Variants in SGCD observed in about 807,000 individuals in gnomAD.
SGCD encodes sarcoglycan delta.
In SGCD, 18 loss-of-function variants were observed where a neutral mutation model predicts 36.6. That is an observed-to-expected ratio of 0.49 (90% CI 0.34 to 0.73). The LOEUF is 0.73. SGCD is among the 30% of genes least tolerant of loss of function. The pLI, the probability that SGCD is intolerant of heterozygous loss-of-function variation, is 0.01. For synonymous variants in SGCD, 133 were observed against 130.6 expected (o/e 1.02, Z -0.12); for missense variants, 387 against 346.7 (o/e 1.12, Z -0.92).
intron 3 of SGCD, among the ~76,000 whole-genome samples, chr5:156,384,787 A>T (rs1771187112): frequency 6.6e-6 from 1 of 152,168 alleles, no homozygotes; most frequent in South Asian, 2.1e-4. Context: ...CACTATGAAG[A>T]CAAATTGTGC....
chr5:156,430,667 T>A (rs1000551882), intron 3 of SGCD, among the ~76,000 whole-genome samples: 5 of 152,216 alleles, frequency 3.3e-5, no homozygotes, highest in East Asian at 1.9e-4. Flanking sequence ...TGTTTTTTTT[T>A]ATTTCATTTT....
At chr5:156,130,207 G>A (rs983001130) in intron 3 of SGCD, among the ~76,000 whole-genome samples, 1 of 152,082 alleles carries the variant, frequency 6.6e-6, no homozygotes, top group Non-Finnish European at 1.5e-5. Flanking sequence ...ATGGTATCTT[G>A]TAATGGTTTT....
At chr5:156,368,432 C>T (rs1236863118) in intron 3 of SGCD, among the ~76,000 whole-genome samples, 4 of 152,198 alleles carry the variant, frequency 2.6e-5, no homozygotes, top group Non-Finnish European at 1.5e-5. Context: ...TTATTATTTT[C>T]TATCTTATGA....
chr5:156,060,385 G>A (rs990813933), intron 1 of SGCD, among the ~76,000 whole-genome samples: 1 of 146,288 alleles, frequency 6.8e-6, no homozygotes, highest in Non-Finnish European at 1.5e-5. Context: ...TTTTCTGGAT[G>A]ATCAGGTTAT....
chr5:155,745,507 A>G, the SGCD span, among the ~76,000 whole-genome samples: 2 of 151,974 alleles, frequency 1.3e-5, no homozygotes, highest in African/African-American at 4.8e-5. Flanking sequence ...TGTTAATTTT[A>G]TTACATACTT....
chr5:156,377,402 T>G (rs1770726338), intron 3 of SGCD, among the ~76,000 whole-genome samples: 1 of 152,230 alleles, frequency 6.6e-6, no homozygotes, highest in Non-Finnish European at 1.5e-5. Context: ...CTATTCAGTA[T>G]TCTCACAACA....
intron 7 of SGCD, among the ~76,000 whole-genome samples, chr5:156,744,165 C>T (rs1756830719): frequency 6.6e-6 from 1 of 152,210 alleles, no homozygotes; most frequent in South Asian, 2.1e-4. Flanking sequence ...AAATCCACCC[C>T]TCATTGTTAT....
At chr5:156,025,860 C>T (rs76763313) in intron 1 of SGCD, among the ~76,000 whole-genome samples, 1,908 of 152,304 alleles carry the variant, frequency 0.013, 42 homozygotes, top group African/African-American at 0.043. Flanking sequence ...GAATTGCCAT[C>T]TGGTGGTAGT....
At chr5:156,652,551 A>G (rs946959269) in intron 7 of SGCD, among the ~76,000 whole-genome samples, 1 of 152,046 alleles carries the variant, frequency 6.6e-6, no homozygotes, top group African/African-American at 2.4e-5. Context: ...ACCAAGAGAG[A>G]TAATTTGACT....
intron 6 of SGCD, among the ~76,000 whole-genome samples, chr5:156,596,050 T>A (rs947166083): frequency 6.6e-6 from 1 of 152,156 alleles, no homozygotes; most frequent in Non-Finnish European, 1.5e-5. Flanking sequence ...TGAGCCAGTT[T>A]CCTTTTCTGC....
At chr5:155,757,842 T>A in the SGCD span, among the ~76,000 whole-genome samples, 1 of 152,176 alleles carries the variant, frequency 6.6e-6, no homozygotes, top group Non-Finnish European at 1.5e-5. Context: ...TGGAAGGTAA[T>A]TGAATCATGG....
At chr5:155,976,866 G>C (rs1340813228) in intron 1 of SGCD, among the ~76,000 whole-genome samples, 1 of 152,070 alleles carries the variant, frequency 6.6e-6, no homozygotes, top group African/African-American at 2.4e-5. Context: ...TGCAACCACT[G>C]TGTTACCATC....
At chr5:156,035,105 A>C (rs1326876591) in intron 1 of SGCD, among the ~76,000 whole-genome samples, 2 of 152,210 alleles carry the variant, frequency 1.3e-5, no homozygotes, top group African/African-American at 4.8e-5. Context: ...TTCAGGAATC[A>C]AGGCTCTTCA....
chr5:156,292,788 AC>A (rs1215515336), intron 3 of SGCD, among the ~76,000 whole-genome samples: 1 of 152,054 alleles, frequency 6.6e-6, no homozygotes, highest in Non-Finnish European at 1.5e-5. Context: ...CTGATAGTAG[AC>A]ATCCTAATGG....
the SGCD span, among the ~76,000 whole-genome samples, chr5:155,756,897 A>G: frequency 6.6e-6 from 1 of 152,220 alleles, no homozygotes; most frequent in Non-Finnish European, 1.5e-5. Flanking sequence ...TGAGTATGGC[A>G]TCAAACTACC....
intron 3 of SGCD, among the ~76,000 whole-genome samples, chr5:156,282,816 A>G (rs952957847): frequency 5.9e-5 from 9 of 152,306 alleles, no homozygotes; most frequent in Non-Finnish European, 7.4e-5. Flanking sequence ...AAAGATTGAC[A>G]TTATCTGTCT....
intron 7 of SGCD, among the ~76,000 whole-genome samples, chr5:156,721,384 A>C (rs182022629): frequency 1.3e-5 from 2 of 152,320 alleles, no homozygotes; most frequent in East Asian, 3.9e-4. Context: ...AGGATAATTG[A>C]AAGAGATGTT....
the SGCD span, among the ~76,000 whole-genome samples, chr5:155,792,340 G>A: frequency 6.7e-6 from 1 of 148,676 alleles, no homozygotes; most frequent in African/African-American, 2.5e-5. Context: ...ATCAGCTTTG[G>A]CAAAGAATTT....
chr5:156,572,394 A>C (rs1759759383), intron 4 of SGCD, among the ~76,000 whole-genome samples: 1 of 152,112 alleles, frequency 6.6e-6, no homozygotes, highest in East Asian at 1.9e-4. Flanking sequence ...GTTTCTCTAC[A>C]TTCTTGCCAA....
Sources: gnomAD v4.1 joint callset for allele counts (sites outside exome capture counted in the v4.1 genomes callset) on GRCh38, gnomAD v4.1.1 for gene constraint, MANE v1.5 for transcripts, NCBI Gene and HGNC (gene_info 2026-07-23, HGNC 2026-07-21) for gene names.